PEBP4: variants seen among roughly 807,000 people sequenced by gnomAD.
PEBP4 encodes phosphatidylethanolamine binding protein 4.
PEBP4 carries 22 observed loss-of-function variants against 23.9 expected under a neutral mutation model. The ratio of observed to expected loss-of-function variants is 0.92; its 90% CI spans 0.66 to 1.31. The LOEUF is 1.31. Ranked by LOEUF, PEBP4 falls within the 40% of genes most tolerant of loss-of-function variation. The pLI is 0.00. For synonymous variants in PEBP4, 112 were observed against 99.3 expected (o/e 1.13, Z -0.76); for missense variants, 324 against 281.7 (o/e 1.15, Z -1.07).
At chr8:22,939,829 G>T (rs1052511081) in intron 1 of PEBP4, among the ~76,000 whole-genome samples, 1 of 152,172 alleles carries the variant, frequency 6.6e-6, no homozygotes, top group Non-Finnish European at 1.5e-5. Context: ...TCGGGCCAGA[G>T]GCTGGGGGCC....
At chr8:22,882,117 T>C (rs540655905) in intron 3 of PEBP4, among the ~76,000 whole-genome samples, 2 of 152,342 alleles carry the variant, frequency 1.3e-5, no homozygotes, top group East Asian at 3.9e-4. Flanking sequence ...TTCACCTTTT[T>C]CCTGCTTCTC....
intron 3 of PEBP4, among the ~76,000 whole-genome samples, chr8:22,915,101 T>G (rs1005147627): frequency 6.6e-6 from 1 of 152,090 alleles, no homozygotes; most frequent in Non-Finnish European, 1.5e-5. Context: ...CCAAGCTCTA[T>G]GGGTTCCACG....
At chr8:22,847,502 G>A (rs941129755) in intron 3 of PEBP4, among the ~76,000 whole-genome samples, 2 of 152,152 alleles carry the variant, frequency 1.3e-5, no homozygotes, top group Non-Finnish European at 2.9e-5. Flanking sequence ...TTGCAGTTCT[G>A]GTTTTATCCC....
At chr8:22,779,740 G>A (rs999169375) in intron 4 of PEBP4, among the ~76,000 whole-genome samples, 1 of 152,232 alleles carries the variant, frequency 6.6e-6, no homozygotes, top group Non-Finnish European at 1.5e-5. Context: ...AGGTCTGGAA[G>A]AGGAGACACT....
intron 3 of PEBP4, among the ~76,000 whole-genome samples, chr8:22,881,482 T>C (rs1346100328): frequency 3.3e-5 from 5 of 152,356 alleles, no homozygotes; most frequent in African/African-American, 1.2e-4. Flanking sequence ...ACTTCCTGAG[T>C]GCAGGACTGG....
At chr8:22,907,098 G>C (rs1310245208) in intron 3 of PEBP4, among the ~76,000 whole-genome samples, 2 of 152,206 alleles carry the variant, frequency 1.3e-5, no homozygotes, top group Non-Finnish European at 1.5e-5. Flanking sequence ...CTATGAGTGG[G>C]AGGAGGGATG....
chr8:22,722,827 T>C (rs1459926858), intron 6 of PEBP4, among the ~76,000 whole-genome samples: 1 of 150,962 alleles, frequency 6.6e-6, no homozygotes, highest in Non-Finnish European at 1.5e-5. Context: ...GGCTGGAGTG[T>C]AGTGGCGCGA....
chr8:22,917,299 T>TC (rs1489208825), intron 3 of PEBP4, among the ~76,000 whole-genome samples: 1 of 151,998 alleles, frequency 6.6e-6, no homozygotes, highest in African/African-American at 2.4e-5. Context: ...ACACTCAGGC[T>TC]CCCCGCACCC....
chr8:22,928,552 C>T (rs562846191), upstream of PEBP4, among the ~76,000 whole-genome samples: 2 of 152,244 alleles, frequency 1.3e-5, no homozygotes, highest in South Asian at 4.1e-4. Context: ...GCCTGCATTC[C>T]CTTGGGGAAC....
intron 3 of PEBP4, among the ~76,000 whole-genome samples, chr8:22,907,378 G>T (rs755592907): frequency 3.3e-5 from 5 of 152,170 alleles, no homozygotes; most frequent in Non-Finnish European, 5.9e-5. Flanking sequence ...CAGGTGTGGT[G>T]GTGCACACCT....
chr8:22,909,369 T>C (rs1043758228), intron 3 of PEBP4, among the ~76,000 whole-genome samples: 1 of 152,208 alleles, frequency 6.6e-6, no homozygotes, highest in African/African-American at 2.4e-5. Flanking sequence ...AATGGCTTCT[T>C]CTGACTCAAT....
chr8:22,822,582 A>G (rs1203844004), intron 3 of PEBP4, among the ~76,000 whole-genome samples: 1 of 151,938 alleles, frequency 6.6e-6, no homozygotes, highest in Non-Finnish European at 1.5e-5. Flanking sequence ...TACATGAGAA[A>G]TTTTAAAAAA....
intron 3 of PEBP4, among the ~76,000 whole-genome samples, chr8:22,872,647 T>C (rs1175088283): frequency 6.6e-6 from 1 of 152,244 alleles, no homozygotes; most frequent in Non-Finnish European, 1.5e-5. Context: ...TGTTTACTCT[T>C]AGCTACTTTG....
intron 3 of PEBP4, among the ~76,000 whole-genome samples, chr8:22,891,721 C>A (rs1195783994): frequency 1.3e-5 from 2 of 152,222 alleles, no homozygotes; most frequent in Non-Finnish European, 2.9e-5. Flanking sequence ...ATAACAGGGT[C>A]TTCTGACCCT....
At chr8:22,723,133 C>G (rs1268234957) in intron 6 of PEBP4, among the ~76,000 whole-genome samples, 3 of 152,010 alleles carry the variant, frequency 2.0e-5, no homozygotes, top group Non-Finnish European at 4.4e-5. Flanking sequence ...TCTAAGTTCC[C>G]CATGGACAAA....
intron 3 of PEBP4, among the ~76,000 whole-genome samples, chr8:22,869,644 T>C (rs1294679404): frequency 1.3e-5 from 2 of 152,066 alleles, no homozygotes; most frequent in East Asian, 1.9e-4. Context: ...AAAATACCCA[T>C]GGAAAAAGAC....
chr8:22,915,687 C>T (rs1002129371), intron 3 of PEBP4, among the ~76,000 whole-genome samples: 2 of 152,180 alleles, frequency 1.3e-5, no homozygotes, highest in African/African-American at 2.4e-5. Flanking sequence ...TGCACTTGAC[C>T]GCCTCCACAT....
chr8:22,831,719 G>T (rs1585296987), intron 3 of PEBP4, among the ~76,000 whole-genome samples: 1 of 152,264 alleles, frequency 6.6e-6, no homozygotes, highest in African/African-American at 2.4e-5. Context: ...ACCAAATAAA[G>T]ACCAGCAGAG....
intron 3 of PEBP4, among the ~76,000 whole-genome samples, chr8:22,876,481 A>C (rs1008357308): frequency 3.3e-5 from 5 of 152,174 alleles, no homozygotes; most frequent in African/African-American, 9.7e-5. Context: ...TTTTGGCCTC[A>C]TTCCAGGAGA....
Sources: allele counts gnomAD v4.1 joint callset (sites outside exome capture counted in the v4.1 genomes callset), GRCh38; gene constraint gnomAD v4.1.1; transcripts MANE v1.5; gene names NCBI Gene and HGNC (gene_info 2026-07-23, HGNC 2026-07-21).